FNDC3B: variants seen among roughly 807,000 people sequenced by gnomAD.
FNDC3B encodes the protein fibronectin type III domain containing 3B, also known as fibronectin type III domain-containing protein 3B.
A neutral mutation model predicts 151.5 loss-of-function variants in FNDC3B; 12 were observed. That is an observed-to-expected ratio of 0.08 (90% CI 0.05 to 0.13). FNDC3B has a LOEUF of 0.13. Ranked by LOEUF, FNDC3B falls within the 10% of genes least tolerant of loss-of-function variation. FNDC3B has a pLI of 1.00. For synonymous variants in FNDC3B, 528 were observed against 549.0 expected, an observed-to-expected ratio of 0.96 and a Z score of 0.54; for missense variants, 1,214 against 1,505.3, an observed-to-expected ratio of 0.81 and a Z score of 3.20.
At chr3:172,358,397 A>G (rs141371796) in intron 22 of FNDC3B, among the ~76,000 whole-genome samples, 38 of 152,296 alleles carry the variant, frequency 2.5e-4, no homozygotes, top group African/African-American at 7.7e-4. Context: ...CAAGTTCTCA[A>G]TGTGTGTAGT....
At chr3:172,162,825 G>A (rs957941663) in intron 3 of FNDC3B, among the ~76,000 whole-genome samples, 1 of 152,146 alleles carries the variant, frequency 6.6e-6, no homozygotes, top group African/African-American at 2.4e-5. Context: ...GCTAGGACCA[G>A]CTTGTCTATT....
chr3:172,384,421 C>T (rs758585550), intron 25 of FNDC3B, among the ~76,000 whole-genome samples: 3 of 152,178 alleles, frequency 2.0e-5, no homozygotes, highest in East Asian at 1.9e-4. Context: ...TGATTGGTTT[C>T]GGGTCTTAGC....
intron 22 of FNDC3B, among the ~76,000 whole-genome samples, chr3:172,359,082 T>C (rs1227380919): frequency 6.6e-6 from 1 of 151,520 alleles, no homozygotes; most frequent in Non-Finnish European, 1.5e-5. Flanking sequence ...AGTGAAAGAT[T>C]AGAGAACCCT....
intron 3 of FNDC3B, among the ~76,000 whole-genome samples, chr3:172,146,514 A>G (rs1185217704): frequency 1.3e-5 from 2 of 152,160 alleles, no homozygotes; most frequent in African/African-American, 4.8e-5. Flanking sequence ...GGGACTGGGC[A>G]TGAGTGGTTT....
chr3:172,074,605 A>G (rs2108490757), intron 1 of FNDC3B, among the ~76,000 whole-genome samples: 2 of 152,264 alleles, frequency 1.3e-5, no homozygotes, highest in Non-Finnish European at 1.5e-5. Context: ...ATGGTGGAGG[A>G]TGTTGCAGAT....
At chr3:172,264,768 A>G (rs967633583) in intron 6 of FNDC3B, among the ~76,000 whole-genome samples, 2 of 152,220 alleles carry the variant, frequency 1.3e-5, no homozygotes, top group African/African-American at 4.8e-5. Context: ...CAACCTATTT[A>G]CTTTTGAAGA....
chr3:172,066,598 T>C (rs1717511284), intron 1 of FNDC3B, among the ~76,000 whole-genome samples: 1 of 152,230 alleles, frequency 6.6e-6, no homozygotes, highest in African/African-American at 2.4e-5. Flanking sequence ...TTAGTAAAGC[T>C]TGGTCACAAG....
chr3:172,208,276 G>C (rs1308591273), intron 3 of FNDC3B, among the ~76,000 whole-genome samples: 2 of 152,174 alleles, frequency 1.3e-5, no homozygotes, highest in African/African-American at 4.8e-5. Context: ...ATAGTAGTTT[G>C]AACTTTAATT....
intron 14 of FNDC3B, 30 bp from the exon 15 acceptor site, chr3:172,334,914 C>G: frequency 6.3e-7 from 1 of 1,596,468 alleles, no homozygotes; most frequent in Non-Finnish European, 8.5e-7. Context: ...ATAACTAAAT[C>G]ATGTTAACGT....
chr3:172,042,227 A>G (rs1716121485), intron 1 of FNDC3B, among the ~76,000 whole-genome samples: 1 of 152,196 alleles, frequency 6.6e-6, no homozygotes, highest in Admixed American at 6.5e-5. Flanking sequence ...AGACTTTATA[A>G]ATAGCTCACA....
intron 4 of FNDC3B, among the ~76,000 whole-genome samples, chr3:172,230,945 GCACCCCTAGGTAT>G (rs1726857576): frequency 6.6e-6 from 1 of 151,832 alleles, no homozygotes; most frequent in African/African-American, 2.4e-5. Context: ...CCCAACAATT[GCACCCCTAGGTAT>G]ATACCTGAGA....
At chr3:172,341,006 G>T (rs1733286203) in intron 16 of FNDC3B, 107 bp from the exon 17 acceptor site, 1 of 754,094 alleles carries the variant, frequency 1.3e-6, no homozygotes, top group Non-Finnish European at 2.3e-6. Context: ...AAAAGAAAAA[G>T]AAGATGTTGG....
intron 3 of FNDC3B, among the ~76,000 whole-genome samples, chr3:172,172,281 C>T (rs1723321941): frequency 6.6e-6 from 1 of 151,996 alleles, no homozygotes; most frequent in Non-Finnish European, 1.5e-5. Context: ...TGTACCTAAC[C>T]CATGACTAAA....
intron 3 of FNDC3B, among the ~76,000 whole-genome samples, chr3:172,139,524 T>A (rs563245293): frequency 1.6e-4 from 25 of 152,328 alleles, no homozygotes; most frequent in African/African-American, 5.5e-4. Context: ...TTGGCTGAAA[T>A]TTGCAACCAG....
At chr3:172,295,213 C>A in intron 7 of FNDC3B, 150 bp from the exon 8 acceptor site, 1 of 657,516 alleles carries the variant, frequency 1.5e-6, no homozygotes, top group African/African-American at 1.8e-5. Flanking sequence ...GATACCAGGA[C>A]TTTGAAAGAG....
At chr3:172,211,922 AT>A (rs1411066256) in intron 3 of FNDC3B, among the ~76,000 whole-genome samples, 1 of 152,214 alleles carries the variant, frequency 6.6e-6, no homozygotes, top group African/African-American at 2.4e-5. Context: ...TCAATTAAAG[AT>A]GTTTATAAAT....
intron 1 of FNDC3B, among the ~76,000 whole-genome samples, chr3:172,052,818 T>C (rs1716731205): frequency 6.6e-6 from 1 of 152,156 alleles, no homozygotes; most frequent in African/African-American, 2.4e-5. Context: ...ATCTAATGGC[T>C]GGAAAGAGGT....
At chr3:172,339,485 C>A (rs1232118296) in intron 16 of FNDC3B, among the ~76,000 whole-genome samples, 1 of 152,052 alleles carries the variant, frequency 6.6e-6, no homozygotes, top group African/African-American at 2.4e-5. Flanking sequence ...GTCGTTGGAA[C>A]CCAGGAGTCG....
chr3:172,303,926 T>C (rs2108237120), intron 9 of FNDC3B, among the ~76,000 whole-genome samples: 1 of 152,348 alleles, frequency 6.6e-6, no homozygotes, highest in South Asian at 2.1e-4. Context: ...TGCAGCATAC[T>C]TACATTGCCA....
Sources: allele counts gnomAD v4.1 joint callset (sites outside exome capture counted in the v4.1 genomes callset), GRCh38; gene constraint gnomAD v4.1.1; transcripts MANE v1.5; gene names NCBI Gene and HGNC (gene_info 2026-07-23, HGNC 2026-07-21).